The following ROBO1 variants were observed in gnomAD, a reference collection of about 807,000 sequenced individuals.
ROBO1 encodes roundabout guidance receptor 1.
In ROBO1, 149 loss-of-function variants were observed where a neutral mutation model predicts 195.9. The ratio of observed to expected loss-of-function variants is 0.76; its 90% CI spans 0.67 to 0.87. ROBO1 has a LOEUF of 0.87. Ranked by LOEUF, ROBO1 falls within the 40% of genes least tolerant of loss-of-function variation. The pLI is 0.00. For missense variants in ROBO1, 1,933 were observed against 2,068.3 expected (o/e 0.93, Z 1.27); for synonymous variants, 816 against 733.2 (o/e 1.11, Z -1.82).
At chr3:78,833,204 TG>T (rs150919548) in intron 4 of ROBO1, among the ~76,000 whole-genome samples, 39 of 151,630 alleles carry the variant, frequency 2.6e-4, no homozygotes, top group African/African-American at 8.2e-4. Context: ...TGCACGGCAA[TG>T]AAAAATAAGG....
At chr3:78,615,502 C>T (rs1025946) in intron 27 of ROBO1, among the ~76,000 whole-genome samples, 142,224 of 152,230 alleles carry the variant, frequency 0.93, 66,561 homozygotes, top group Middle Eastern at 0.99. Flanking sequence ...CCAGTGGGAA[C>T]TGAATTTACT....
intron 2 of ROBO1, among the ~76,000 whole-genome samples, chr3:79,521,719 C>T (rs1941216939): frequency 6.6e-6 from 1 of 151,976 alleles, no homozygotes; most frequent in African/African-American, 2.4e-5. Flanking sequence ...ATGAAGTGGC[C>T]ATATTTGTCA....
intron 2 of ROBO1, among the ~76,000 whole-genome samples, chr3:79,473,855 T>C (rs1286404408): frequency 6.6e-6 from 1 of 152,084 alleles, no homozygotes; most frequent in Non-Finnish European, 1.5e-5. Flanking sequence ...AAAATTACTC[T>C]TTATATCAAG....
chr3:79,075,483 C>G lies in ROBO1; in HGVS notation c.172+49973G>C, dbSNP rs41488345. Among the ~76,000 whole-genome samples, 1,326 of 152,046 alleles carry G rather than the reference C, an allele frequency of 8.7e-3. 22 individuals carry two copies. The highest frequency in any genetic ancestry group is 0.031 in the African/African-American group (1,289 of 41,502). Reference sequence around the variant, plus strand: ...ATCTATGTTAGGGTACATACAATCACTCAAGTGTAGGAGGTTTTCTGGGGT... The same window carrying G: ...ATCTATGTTAGGGTACATACAATCAGTCAAGTGTAGGAGGTTTTCTGGGGT... On this transcript the variant is annotated intron_variant, in intron 3 of 30. Transcript: ENST00000464233.
intron 3 of ROBO1, among the ~76,000 whole-genome samples, chr3:79,092,733 G>C (rs2079502078): frequency 6.6e-6 from 1 of 152,046 alleles, no homozygotes; most frequent in Admixed American, 6.6e-5. Context: ...AGTCAATATT[G>C]TTTGGCTGTG....
chr3:78,628,957 A>G (rs1704999127), intron 25 of ROBO1, among the ~76,000 whole-genome samples: 1 of 152,200 alleles, frequency 6.6e-6, no homozygotes, highest in Non-Finnish European at 1.5e-5. Flanking sequence ...TTACACTAAT[A>G]TGCATCACAT....
At chr3:79,655,384 C>T (rs919401697) in intron 1 of ROBO1, among the ~76,000 whole-genome samples, 6 of 151,902 alleles carry the variant, frequency 3.9e-5, no homozygotes, top group African/African-American at 1.4e-4. Flanking sequence ...ATTTCTGATA[C>T]AGGAAATACA....
intron 5 of ROBO1, among the ~76,000 whole-genome samples, chr3:78,733,191 C>G (rs766262569): frequency 6.6e-6 from 1 of 152,098 alleles, no homozygotes; most frequent in East Asian, 1.9e-4. Flanking sequence ...ATAATGTGGG[C>G]AAGATGAAGA....
intron 4 of ROBO1, chr3:78,938,183 G>A (rs1288974580): frequency 6.1e-6 from 1 of 163,750 alleles, no homozygotes; most frequent in African/African-American, 2.4e-5. Context: ...ACCAAACTTA[G>A]TTTGGACACC....
intron 2 of ROBO1, among the ~76,000 whole-genome samples, chr3:79,467,684 T>A (rs916654505): frequency 2.0e-5 from 3 of 152,064 alleles, no homozygotes; most frequent in Admixed American, 6.6e-5. Context: ...ACATTTACCA[T>A]CCTTCCATTT....
At chr3:79,604,843 T>C (rs1360200635) in intron 1 of ROBO1, among the ~76,000 whole-genome samples, 6 of 152,050 alleles carry the variant, frequency 3.9e-5, no homozygotes, top group Admixed American at 2.6e-4. Flanking sequence ...ATTTTTCCTC[T>C]TATGTAAATA....
intron 4 of ROBO1, among the ~76,000 whole-genome samples, chr3:78,933,624 T>C (rs1419258146): frequency 6.6e-6 from 1 of 152,020 alleles, no homozygotes; most frequent in Non-Finnish European, 1.5e-5. Context: ...AAATAACTAC[T>C]AATAAAAATC....
At chr3:78,969,862 G>C (rs1324884994) in intron 3 of ROBO1, among the ~76,000 whole-genome samples, 4 of 152,128 alleles carry the variant, frequency 2.6e-5, no homozygotes, top group Admixed American at 2.0e-4. Context: ...TTTGCAGACA[G>C]TTAAATTACT....
At chr3:78,686,160 T>C (rs1030288925) in intron 9 of ROBO1, among the ~76,000 whole-genome samples, 3 of 152,152 alleles carry the variant, frequency 2.0e-5, no homozygotes, top group African/African-American at 7.2e-5. Context: ...TATACAAGGT[T>C]TAATAATCTA....
At chr3:79,009,939 C>T (rs1020295881) in intron 3 of ROBO1, among the ~76,000 whole-genome samples, 4 of 152,142 alleles carry the variant, frequency 2.6e-5, no homozygotes, top group African/African-American at 9.7e-5. Context: ...CTAGTTGGTA[C>T]TTACAATTTC....
intron 2 of ROBO1, among the ~76,000 whole-genome samples, chr3:79,340,481 T>C (rs1485825630): frequency 1.3e-5 from 2 of 152,156 alleles, no homozygotes; most frequent in African/African-American, 4.8e-5. Context: ...GTCTCTAGGT[T>C]CAGAGTGGAT....
chr3:79,310,102 G>A (rs1043070930), intron 2 of ROBO1, among the ~76,000 whole-genome samples: 4 of 152,088 alleles, frequency 2.6e-5, no homozygotes, highest in African/African-American at 9.7e-5. Context: ...TAAAGGTTTT[G>A]TATCACCTCC....
intron 3 of ROBO1, 30 bp downstream of exon 3, chr3:79,125,426 A>C: frequency 1.3e-6 from 2 of 1,572,520 alleles, no homozygotes; most frequent in Non-Finnish European, 1.7e-6. Flanking sequence ...TTTCAGGAGG[A>C]AGTTAGTATT....
At chr3:79,079,960 A>G (rs2079241994) in intron 3 of ROBO1, among the ~76,000 whole-genome samples, 1 of 151,728 alleles carries the variant, frequency 6.6e-6, no homozygotes, top group African/African-American at 2.4e-5. Flanking sequence ...TTTATTAAAA[A>G]ACATTCAGAA....
Sources: gnomAD v4.1 joint callset for allele counts (sites outside exome capture counted in the v4.1 genomes callset) on GRCh38, gnomAD v4.1.1 for gene constraint, MANE v1.5 for transcripts, NCBI Gene and HGNC (gene_info 2026-07-23, HGNC 2026-07-21) for gene names.